The following SLIT3 variants were observed in gnomAD, a reference collection of about 807,000 sequenced individuals.
SLIT3 encodes the protein slit guidance ligand 3.
A neutral mutation model predicts 184.0 loss-of-function variants in SLIT3; 68 were observed. The observed-to-expected ratio is 0.37, with a 90% CI of 0.30 to 0.45. SLIT3 has a LOEUF of 0.45. Ranked by LOEUF, SLIT3 falls within the 20% of genes least tolerant of loss-of-function variation. The pLI is 1.00. For missense variants in SLIT3, 1,707 were observed against 2,026.0 expected (o/e 0.84, Z 3.02); for synonymous variants, 831 against 828.6 (o/e 1.00, Z -0.05).
intron 4 of SLIT3, among the ~76,000 whole-genome samples, chr5:169,072,242 A>G (rs765597657): frequency 1.9e-4 from 29 of 152,288 alleles, no homozygotes; most frequent in Non-Finnish European, 4.0e-4. Context: ...TAAGCTTGAA[A>G]AACTTGAAAA....
At chr5:168,830,192 G>T (rs1364291374) in intron 6 of SLIT3, among the ~76,000 whole-genome samples, 3 of 152,120 alleles carry the variant, frequency 2.0e-5, no homozygotes, top group Admixed American at 2.0e-4. Flanking sequence ...TACACTGAAT[G>T]CTCAACCCCA....
At chr5:168,771,350 G>A (rs1755544286) in intron 14 of SLIT3, among the ~76,000 whole-genome samples, 1 of 152,170 alleles carries the variant, frequency 6.6e-6, no homozygotes, top group African/African-American at 2.4e-5. Flanking sequence ...CCAAGCAGCT[G>A]ATTGTCATCC....
chr5:168,839,846 G>A (rs1191643423), intron 6 of SLIT3, among the ~76,000 whole-genome samples: 1 of 152,156 alleles, frequency 6.6e-6, no homozygotes, highest in Non-Finnish European at 1.5e-5. Flanking sequence ...ACACGGGTGA[G>A]GAGTCCCAAA....
intron 3 of SLIT3, among the ~76,000 whole-genome samples, chr5:169,217,854 C>T (rs1243137660): frequency 6.6e-6 from 1 of 152,188 alleles, no homozygotes. Flanking sequence ...ATATTCCTCA[C>T]TGGCTGAAAC....
At chr5:169,153,337 C>A (rs1762189114) in intron 4 of SLIT3, among the ~76,000 whole-genome samples, 1 of 149,870 alleles carries the variant, frequency 6.7e-6, no homozygotes, top group African/African-American at 2.4e-5. Flanking sequence ...TTGAAATTCA[C>A]AACTGCCATG....
intron 4 of SLIT3, among the ~76,000 whole-genome samples, chr5:169,151,450 G>C (rs189290171): frequency 1.3e-5 from 2 of 152,284 alleles, no homozygotes; most frequent in East Asian, 3.9e-4. Flanking sequence ...CACTTTAAAA[G>C]CCAGCCTGGA....
At chr5:168,859,837 G>A (rs769041583) in intron 5 of SLIT3, among the ~76,000 whole-genome samples, 2 of 152,194 alleles carry the variant, frequency 1.3e-5, no homozygotes, top group African/African-American at 2.4e-5. Context: ...GGAGAGGAAG[G>A]GGATGGGCTG....
intron 27 of SLIT3, among the ~76,000 whole-genome samples, chr5:168,699,101 T>G (rs1484872608): frequency 6.6e-6 from 1 of 152,202 alleles, no homozygotes; most frequent in Non-Finnish European, 1.5e-5. Context: ...CTGCAGTTTC[T>G]TCTCACCCCT....
At chr5:168,914,083 C>T (rs1229398941) in intron 4 of SLIT3, among the ~76,000 whole-genome samples, 1 of 152,142 alleles carries the variant, frequency 6.6e-6, no homozygotes, top group East Asian at 1.9e-4. Context: ...AACTGGTACC[C>T]AGTTGAAGGT....
intron 4 of SLIT3, among the ~76,000 whole-genome samples, chr5:169,107,735 C>G (rs1219082192): frequency 6.6e-6 from 1 of 152,226 alleles, no homozygotes; most frequent in Non-Finnish European, 1.5e-5. Context: ...CTCTCTTGCT[C>G]CAGCCCAATT....
At position 168,666,663 on chromosome 5, in the gene SLIT3, G is replaced by A. The variant is rs911284638; in HGVS notation, c.4363C>T (p.Arg1455Ter). Residue 1455 changes from arginine to a stop codon, truncating the protein, a stop_gained, in exon 36 of 36, where the codon CGA (arginine) becomes TGA (stop). Coordinates refer to ENST00000519560, the MANE Select transcript of SLIT3 (RefSeq NM_003062.4). LOFTEE classifies it high-confidence loss of function. Reference sequence around the variant, plus strand: ...CCTTTCTGGCGGCGGATCACCTCTCGGACTACTTGTCCCAGGCACGGATTC... The same window carrying A: ...CCTTTCTGGCGGCGGATCACCTCTCAGACTACTTGTCCCAGGCACGGATTC... ...QENPCLGQVV[R>*]EVIRRQKGYA... The A allele has an allele frequency of 4.3e-6, 7 of 1,613,982 alleles. No individual in the cohort carries two copies. The highest frequency in any genetic ancestry group is 1.3e-5 in the African/African-American group (1 of 74,902).
intron 4 of SLIT3, among the ~76,000 whole-genome samples, chr5:168,889,019 T>C (rs922782477): frequency 1.3e-5 from 2 of 152,202 alleles, no homozygotes; most frequent in Non-Finnish European, 2.9e-5. Flanking sequence ...GCACTCTTTC[T>C]TCCTGCCCCC....
At chr5:169,287,472 T>A (rs1276810080) in intron 1 of SLIT3, among the ~76,000 whole-genome samples, 2 of 152,190 alleles carry the variant, frequency 1.3e-5, no homozygotes, top group Non-Finnish European at 2.9e-5. Flanking sequence ...TTGCACAGGA[T>A]GAGGCAGAAA....
intron 20 of SLIT3, among the ~76,000 whole-genome samples, chr5:168,735,890 C>A (rs1056052003): frequency 6.6e-6 from 1 of 152,136 alleles, no homozygotes; most frequent in Middle Eastern, 3.2e-3. Context: ...ACTTACATAT[C>A]CCTTCTCAAG....
intron 4 of SLIT3, among the ~76,000 whole-genome samples, chr5:168,948,175 C>T (rs181225507): frequency 1.1e-3 from 170 of 152,270 alleles, no homozygotes; most frequent in Non-Finnish European, 2.0e-3. Flanking sequence ...CCTTCTCTGC[C>T]GGACCTGACG....
chr5:169,226,207 C>T (rs544725251), intron 3 of SLIT3, among the ~76,000 whole-genome samples: 10 of 152,186 alleles, frequency 6.6e-5, no homozygotes, highest in South Asian at 4.2e-4. Context: ...GACACAGAGC[C>T]GGAGAGAAAC....
intron 4 of SLIT3, among the ~76,000 whole-genome samples, chr5:169,119,139 A>G (rs34296912): frequency 0.2 from 29,766 of 152,116 alleles, 3,491 homozygotes; most frequent in Middle Eastern, 0.29. Flanking sequence ...AAAAGCATCA[A>G]AGCTGATACA....
chr5:169,124,354 A>G (rs1324426424), intron 4 of SLIT3, among the ~76,000 whole-genome samples: 1 of 152,234 alleles, frequency 6.6e-6, no homozygotes, highest in Non-Finnish European at 1.5e-5. Flanking sequence ...ATAGACAAGC[A>G]GGGTTGCTGT....
chr5:168,671,217 C>T lies in SLIT3; in HGVS notation c.4108G>A (p.Asp1370Asn), dbSNP rs1761228598. ...TGPLCDQEARDPCLGHRCHHG... is the reference protein window; with the variant it reads ...TGPLCDQEARNPCLGHRCHHG... ...ACTGACCTGTGGCCGAGGCAGGGGT[C>T]CCGGGCCTCCTGATCGCAGAGTGGG... The change falls in exon 34 of 36, where the codon GAC becomes AAC. Residue 1370 changes from aspartate to asparagine, a missense_variant. Around this residue, in one of 3 missense-constraint regions of SLIT3, gnomAD observed 387 missense variants for 477.9 expected, o/e 0.81. Transcript: ENST00000519560. 6.2e-7 allele frequency: 1 copy of T among 1,609,694 alleles called. No individual in the cohort carries two copies. Among genetic ancestry groups the T allele is most frequent in the African/African-American group, 1.3e-5 (1 of 74,850 alleles).
Sources: gnomAD v4.1 joint callset for allele counts (sites outside exome capture counted in the v4.1 genomes callset) on GRCh38, gnomAD v4.1.1 for gene constraint, gnomAD v4.1.1 regional missense constraint, MANE v1.5 for transcripts, NCBI Gene and HGNC (gene_info 2026-07-23, HGNC 2026-07-21) for gene names.